Variants in KANK1 observed in about 807,000 individuals in gnomAD.
KANK1 encodes the protein KN motif and ankyrin repeat domains 1.
Under a neutral mutation model 106.2 loss-of-function variants are expected in KANK1, and 109 were observed. The observed-to-expected ratio is 1.03, with a 90% CI of 0.88 to 1.20. The LOEUF is 1.20. Among genes scored for constraint, KANK1 ranks in the 50% most tolerant of loss-of-function variants. The pLI, the probability that KANK1 is intolerant of heterozygous loss-of-function variation, is 0.00. For missense variants in KANK1, 2,399 were observed against 1,710.7 expected, an observed-to-expected ratio of 1.40 and a Z score of -7.10; for synonymous variants, 873 against 652.2, an observed-to-expected ratio of 1.34 and a Z score of -5.16.
chr9:669,963 C>T (rs1324932293), intron 1 of KANK1, among the ~76,000 whole-genome samples: 2 of 152,090 alleles, frequency 1.3e-5, no homozygotes, highest in Non-Finnish European at 2.9e-5. Context: ...TTCAAAGAGC[C>T]TGTCTTTGGG....
chr9:494,713 C>T (rs2058432717), intron 3 of KANK1, among the ~76,000 whole-genome samples: 1 of 152,162 alleles, frequency 6.6e-6, no homozygotes, highest in African/African-American at 2.4e-5. Flanking sequence ...GAAGCCTTCT[C>T]AGAAGTGGAT....
chr9:712,813 T>C lies in KANK1; in HGVS notation c.2047T>C (p.Phe683Leu). ...CACAGATTTGGAACAGGTGCACCAG[T>C]TCACCAACACCGAGACGGCCACCCT... Reference protein sequence around the residue: ...TSTDLEQVHQFTNTETATLIE... With the variant: ...TSTDLEQVHQLTNTETATLIE... Residue 683 changes from phenylalanine to leucine, a missense_variant, in exon 3 of 12, where the codon TTC becomes CTC. Phe to Leu is a conservative substitution (Grantham distance 22). Coordinates refer to ENST00000382297, the MANE Select transcript of KANK1 (RefSeq NM_015158.5). 6.2e-7 allele frequency: 1 copy of C among 1,613,804 alleles called. No individual in the cohort carries two copies. Among genetic ancestry groups the C allele is most frequent in the Non-Finnish European group, 8.5e-7 (1 of 1,179,916 alleles).
chr9:590,063 AG>A (rs1160030399), intron 1 of KANK1, among the ~76,000 whole-genome samples: 10 of 152,152 alleles, frequency 6.6e-5, no homozygotes, highest in African/African-American at 2.4e-4. Flanking sequence ...TTGAGGAGTG[AG>A]GAAAAAAACG....
At chr9:660,067 G>A in intron 1 of KANK1, 1 of 417,570 alleles carries the variant, frequency 2.4e-6, no homozygotes, top group South Asian at 2.1e-5. Flanking sequence ...TGGCACTGAG[G>A]ATTATATCCA....
chr9:580,312 C>T (rs771896409), intron 1 of KANK1, among the ~76,000 whole-genome samples: 28 of 152,224 alleles, frequency 1.8e-4, no homozygotes, highest in East Asian at 1.7e-3. Flanking sequence ...AAAGGCAGCG[C>T]GGACCCGAAG....
chr9:584,051 C>G (rs947065920), intron 1 of KANK1, among the ~76,000 whole-genome samples: 45 of 152,074 alleles, frequency 3.0e-4, no homozygotes, highest in African/African-American at 1.0e-3. Flanking sequence ...TGACCTTGAC[C>G]TTATCCCAGG....
At chr9:547,202 A>G (rs1587699281) in intron 1 of KANK1, 2 of 152,174 alleles carry the variant, frequency 1.3e-5, no homozygotes, top group South Asian at 4.2e-4. Context: ...GCTCAGTACA[A>G]AAGGTTGCTG....
At chr9:596,772 T>G (rs1826327007) in intron 1 of KANK1, among the ~76,000 whole-genome samples, 2 of 151,784 alleles carry the variant, frequency 1.3e-5, no homozygotes, top group African/African-American at 2.4e-5. Flanking sequence ...CAATAGGCAG[T>G]TTAATAATTG....
At chr9:731,732 C>T (rs1832330105) in intron 5 of KANK1, 1 of 153,614 alleles carries the variant, frequency 6.5e-6, no homozygotes, top group South Asian at 2.0e-4. Context: ...ACCACATCAC[C>T]AGTTTGCTTT....
At chr9:618,068 T>C (rs1832270892) in intron 1 of KANK1, among the ~76,000 whole-genome samples, 1 of 152,186 alleles carries the variant, frequency 6.6e-6, no homozygotes, top group Non-Finnish European at 1.5e-5. Context: ...TTGAAGGTTA[T>C]TTCAGTAGTA....
chr9:690,384 A>T (rs187136779), intron 2 of KANK1, among the ~76,000 whole-genome samples: 2 of 152,078 alleles, frequency 1.3e-5, no homozygotes, highest in Non-Finnish European at 2.9e-5. Flanking sequence ...AATAGTATGC[A>T]TTCAGCAGTA....
chr9:736,872 C>G (rs142665881), intron 7 of KANK1, among the ~76,000 whole-genome samples: 1 of 152,312 alleles, frequency 6.6e-6, no homozygotes, highest in Non-Finnish European at 1.5e-5. Flanking sequence ...TGGTGCCTTA[C>G]AACCCCAGAT....
At chr9:625,745 T>C (rs1484190026) in intron 1 of KANK1, among the ~76,000 whole-genome samples, 1 of 152,126 alleles carries the variant, frequency 6.6e-6, no homozygotes, top group Non-Finnish European at 1.5e-5. Context: ...AAGTTTTGAG[T>C]CTCCTTGATC....
intron 3 of KANK1, among the ~76,000 whole-genome samples, chr9:483,850 G>A (rs538493640): frequency 5.9e-5 from 9 of 152,228 alleles, no homozygotes; most frequent in Non-Finnish European, 8.8e-5. Flanking sequence ...CTAGACAGCT[G>A]ACATACAGAT....
At chr9:684,743 G>T (rs1249528118) in intron 2 of KANK1, among the ~76,000 whole-genome samples, 1 of 152,176 alleles carries the variant, frequency 6.6e-6, no homozygotes, top group African/African-American at 2.4e-5. Context: ...CAGTTTCTGA[G>T]AAAGGTTTGT....
intron 1 of KANK1, among the ~76,000 whole-genome samples, chr9:569,650 T>C (rs912569170): frequency 6.6e-6 from 1 of 152,198 alleles, no homozygotes; most frequent in African/African-American, 2.4e-5. Context: ...CAACAGAAAA[T>C]TGACTGAGAC....
chr9:686,302 G>A (rs569421158), intron 2 of KANK1, among the ~76,000 whole-genome samples: 3 of 152,160 alleles, frequency 2.0e-5, no homozygotes, highest in Non-Finnish European at 2.9e-5. Flanking sequence ...GACGCACCAC[G>A]AATATGTTTT....
chr9:666,901 C>CTTTTTTTTTTTTTTTTTTTTTT (rs35149316), intron 1 of KANK1, among the ~76,000 whole-genome samples: 1 of 53,494 alleles, frequency 1.9e-5, no homozygotes, highest in Admixed American at 2.6e-4. Context: ...CTATTGTTGT[C>CTTTTTTTTTTTTTTTTTTTTTT]TTTTTTTTTT....
intron 1 of KANK1, among the ~76,000 whole-genome samples, chr9:570,430 C>T (rs952227345): frequency 2.6e-5 from 4 of 152,106 alleles, no homozygotes; most frequent in Admixed American, 6.6e-5. Flanking sequence ...TACAGCTCGC[C>T]GTATAAACAG....
Sources: gnomAD v4.1 joint callset for allele counts (sites outside exome capture counted in the v4.1 genomes callset) on GRCh38, gnomAD v4.1.1 for gene constraint, MANE v1.5 for transcripts, NCBI Gene and HGNC (gene_info 2026-07-23, HGNC 2026-07-21) for gene names.